The following CMTM7 variants were observed in gnomAD, a reference collection of about 807,000 sequenced individuals.
CMTM7 encodes the protein CKLF-like MARVEL transmembrane domain-containing protein 7.
CMTM7 carries 7 observed loss-of-function variants against 19.3 expected under a neutral mutation model. The observed-to-expected ratio is 0.36, with a 90% CI of 0.21 to 0.68. The LOEUF is 0.68. Among genes scored for constraint, CMTM7 ranks in the 30% least tolerant of loss-of-function variants. The probability of loss-of-function intolerance (pLI) is 0.60; values close to 1 mark genes in which losing one functional copy is unlikely to be tolerated. For synonymous variants in CMTM7, 87 were observed against 99.3 expected (o/e 0.88, Z 0.74); for missense variants, 193 against 232.6 (o/e 0.83, Z 1.11).
chr3:32,410,761 T>C (rs1409232914), intron 1 of CMTM7, among the ~76,000 whole-genome samples: 1 of 152,212 alleles, frequency 6.6e-6, no homozygotes, highest in Non-Finnish European at 1.5e-5. Flanking sequence ...ACCTTTCTTT[T>C]TTCTTTAGTT....
intron 1 of CMTM7, among the ~76,000 whole-genome samples, chr3:32,395,295 G>A (rs1441345432): frequency 6.6e-6 from 1 of 152,048 alleles, no homozygotes; most frequent in Non-Finnish European, 1.5e-5. Flanking sequence ...GAGCCACTGC[G>A]CCTGCATGAG....
rs145173839 is a variant in CMTM7 at position 32,422,973 on chromosome 3, A to G, written c.160-18867A>G. 3.3e-5 allele frequency among the ~76,000 whole-genome samples: 5 copies of G among 152,366 alleles called. No homozygotes were observed. The East Asian group carries it at 9.6e-4, about 29-fold the overall frequency. ...TGTAAAGTTGAAAAATCATAAGTTGAACTATCATAAGTCCAGCCATCATAA... is the reference window on the plus strand; with the variant it reads ...TGTAAAGTTGAAAAATCATAAGTTGGACTATCATAAGTCCAGCCATCATAA... On this transcript the variant is annotated intron_variant, in intron 1 of 4. Transcript: ENST00000334983.
At chr3:32,430,905 G>A (rs544707427) in intron 1 of CMTM7, among the ~76,000 whole-genome samples, 10 of 152,162 alleles carry the variant, frequency 6.6e-5, no homozygotes, top group African/African-American at 1.9e-4. Context: ...TAAGAACATC[G>A]CCTAGCACAA....
At chr3:32,445,679 A>AT (rs893824734) in intron 2 of CMTM7, among the ~76,000 whole-genome samples, 21 of 148,510 alleles carry the variant, frequency 1.4e-4, no homozygotes, top group East Asian at 2.0e-4. Flanking sequence ...TGCCTGGCTA[A>AT]TTTTTTTTTT....
intron 1 of CMTM7, among the ~76,000 whole-genome samples, chr3:32,393,737 C>T (rs1268404446): frequency 6.9e-6 from 1 of 144,522 alleles, no homozygotes; most frequent in East Asian, 2.0e-4. Context: ...AACTGTGCCA[C>T]TGCACTAGTC....
At chr3:32,410,864 G>A (rs1346095505) in intron 1 of CMTM7, among the ~76,000 whole-genome samples, 1 of 152,200 alleles carries the variant, frequency 6.6e-6, no homozygotes, top group Non-Finnish European at 1.5e-5. Context: ...AGCTCATCAA[G>A]CTCTCAGGGC....
chr3:32,432,178 G>C (rs1005736045), intron 1 of CMTM7, among the ~76,000 whole-genome samples: 2 of 152,216 alleles, frequency 1.3e-5, no homozygotes, highest in African/African-American at 4.8e-5. Context: ...CTTTAGATCT[G>C]TGAATTGGGC....
Position 32,449,903 on chromosome 3 carries a change from C to G in CMTM7, c.432+351C>G, listed in dbSNP as rs971422403. On this transcript the variant is annotated intron_variant, in intron 3 of 4. Coordinates refer to ENST00000334983, the MANE Select transcript of CMTM7 (RefSeq NM_138410.4). The surrounding 1 kb of genome is among the most constrained non-coding windows in gnomAD (Gnocchi z 4.5). ...TATGCAGAGACAGATGCTGGAGCCT[C>G]TTTTGGGCCCAGTGGGAAATGTACT... Among the ~76,000 whole-genome samples, 1 of 152,130 alleles carries G rather than the reference C, an allele frequency of 6.6e-6. No individual in the cohort carries two copies. Among genetic ancestry groups the G allele is most frequent in the African/African-American group, 2.4e-5 (1 of 41,430 alleles).
chr3:32,449,243 C>T lies in CMTM7; in HGVS notation c.334-211C>T, dbSNP rs1575127111. Among the ~76,000 whole-genome samples the T allele has an allele frequency of 6.6e-6, 1 of 152,194 alleles. No homozygotes were observed. Among genetic ancestry groups the T allele is most frequent in the South Asian group, 2.1e-4 (1 of 4,826 alleles). On this transcript the variant is annotated intron_variant, in intron 2 of 4. Transcript: ENST00000334983. The surrounding 1 kb of genome is among the most constrained non-coding windows in gnomAD (Gnocchi z 4.5). ...CTGTCCTCTTCCCTTCCTGCCTGCC[C>T]GGCATCACTTCTGTCTTGCTTGGCC...
chr3:32,446,436 C>T (rs1450769924), intron 2 of CMTM7, among the ~76,000 whole-genome samples: 1 of 152,094 alleles, frequency 6.6e-6, no homozygotes, highest in Non-Finnish European at 1.5e-5. Flanking sequence ...TTTTCAAGAA[C>T]CAGCTTTTGG....
intron 2 of CMTM7, 57 bp downstream of exon 2, chr3:32,442,070 G>A: frequency 1.3e-6 from 2 of 1,512,566 alleles, no homozygotes; most frequent in Non-Finnish European, 1.8e-6. Flanking sequence ...GTTAGCTAGA[G>A]TACTGAGACC....
At chr3:32,399,062 G>A (rs1014872355) in intron 1 of CMTM7, among the ~76,000 whole-genome samples, 4 of 152,106 alleles carry the variant, frequency 2.6e-5, no homozygotes, top group African/African-American at 7.2e-5. Context: ...GGAGGGGAGA[G>A]AACAGGGTGG....
intron 2 of CMTM7, among the ~76,000 whole-genome samples, chr3:32,446,758 G>C (rs1422241802): frequency 6.6e-6 from 1 of 152,110 alleles, no homozygotes; most frequent in Non-Finnish European, 1.5e-5. Context: ...TTATTAAAGA[G>C]AGGCTGGCAC....
chr3:32,446,704 GGTAATAA>G (rs1295455849), intron 2 of CMTM7, among the ~76,000 whole-genome samples: 1 of 152,080 alleles, frequency 6.6e-6, no homozygotes, highest in African/African-American at 2.4e-5. Context: ...CTGTTCTAGT[GGTAATAA>G]GTGAGTTCTT....
intron 1 of CMTM7, among the ~76,000 whole-genome samples, chr3:32,441,010 A>G (rs2125639518): frequency 6.6e-6 from 1 of 152,292 alleles, no homozygotes; most frequent in South Asian, 2.1e-4. Context: ...ACTCGTGCTG[A>G]GATATTTCTT....
At chr3:32,405,637 C>T (rs917165165) in intron 1 of CMTM7, among the ~76,000 whole-genome samples, 1 of 152,120 alleles carries the variant, frequency 6.6e-6, no homozygotes, top group Non-Finnish European at 1.5e-5. Flanking sequence ...CGCCTGTGGG[C>T]CTATCTACTC....
rs149021468 is a variant in CMTM7, at chr3:32,439,963, C to T, written c.160-1877C>T. Among the ~76,000 whole-genome samples, 625 of 152,234 alleles carry T rather than the reference C, an allele frequency of 4.1e-3. 5 individuals carry two copies. Among genetic ancestry groups the T allele is most frequent in the Admixed American group, 7.3e-3 (112 of 15,300 alleles). On this transcript the variant is annotated intron_variant, in intron 1 of 4. Coordinates refer to ENST00000334983, the MANE Select transcript of CMTM7 (RefSeq NM_138410.4). ...AAATGCCAGTAGCAACCCCCATCCC[C>T]GCAAATTGTGTAAACCAAAAATATA... is the stretch of plus-strand genomic sequence containing the variant.
chr3:32,420,366 G>A (rs1457722806), intron 1 of CMTM7, among the ~76,000 whole-genome samples: 2 of 152,222 alleles, frequency 1.3e-5, no homozygotes, highest in Non-Finnish European at 2.9e-5. Context: ...CCGGGTGAGG[G>A]GAAATGTAGG....
At chr3:32,433,468 C>T (rs1402944606) in intron 1 of CMTM7, among the ~76,000 whole-genome samples, 1 of 152,218 alleles carries the variant, frequency 6.6e-6, no homozygotes, top group Non-Finnish European at 1.5e-5. Flanking sequence ...CCCTACATCA[C>T]AGCCACACCC....
Sources: allele counts gnomAD v4.1 joint callset (sites outside exome capture counted in the v4.1 genomes callset), GRCh38; gene constraint gnomAD v4.1.1; non-coding constraint Gnocchi (gnomAD v3.1); transcripts MANE v1.5; gene names NCBI Gene and HGNC (gene_info 2026-07-23, HGNC 2026-07-21).